The following ASPRV1 variants were observed in gnomAD, a reference collection of about 807,000 sequenced individuals.
The protein encoded by ASPRV1 is retroviral-like aspartic protease 1.
ASPRV1 carries 7 observed loss-of-function variants against 11.0 expected under a neutral mutation model. The ratio of observed to expected loss-of-function variants is 0.64; its 90% confidence interval spans 0.36 to 1.20. The LOEUF is 1.20. Among genes scored for constraint, ASPRV1 ranks in the 50% most tolerant of loss-of-function variants. ASPRV1 has a pLI of 0.02. For synonymous variants in ASPRV1, 136 were observed against 138.4 expected (o/e 0.98, Z 0.12); for missense variants, 299 against 320.0 (o/e 0.93, Z 0.50).
the ASPRV1 span, among the ~76,000 whole-genome samples, chr2:70,016,620 G>A: frequency 6.6e-6 from 1 of 152,170 alleles, no homozygotes; most frequent in African/African-American, 2.4e-5. Flanking sequence ...GCGAAGGCAG[G>A]CAGACTTGAG....
chr2:69,964,492 C>T (rs1290023772), upstream of ASPRV1: 1 of 319,556 alleles, frequency 3.1e-6, no homozygotes, highest in Non-Finnish European at 6.2e-6. Flanking sequence ...AGGTACCCAT[C>T]CCTAGAACAG....
the ASPRV1 span, chr2:70,070,179 C>CAAAAAAAAAAA: frequency 2.1e-5 from 1 of 47,136 alleles, no homozygotes; most frequent in Admixed American, 2.6e-4. Context: ...GACTCCATCT[C>CAAAAAAAAAAA]AAAAAAAAAA....
chr2:70,058,534 G>A, the ASPRV1 span, among the ~76,000 whole-genome samples: 2 of 151,616 alleles, frequency 1.3e-5, no homozygotes, highest in African/African-American at 2.4e-5. Context: ...AAACCACCAC[G>A]CCTTTACTCT....
the ASPRV1 span, among the ~76,000 whole-genome samples, chr2:70,003,919 TG>T: frequency 6.6e-6 from 1 of 152,302 alleles, no homozygotes; most frequent in South Asian, 2.1e-4. Flanking sequence ...CCTTCCACCA[TG>T]GGCTGACGCA....
the ASPRV1 span, among the ~76,000 whole-genome samples, chr2:69,948,952 TC>T: frequency 5.3e-5 from 8 of 150,402 alleles, no homozygotes; most frequent in Non-Finnish European, 8.9e-5. Flanking sequence ...GCCTGGCCGC[TC>T]CCCCCGGCAC....
chr2:69,984,909 G>A, the ASPRV1 span, among the ~76,000 whole-genome samples: 1 of 145,608 alleles, frequency 6.9e-6, no homozygotes, highest in Non-Finnish European at 1.5e-5. Context: ...CAGGCTAGAG[G>A]GCAGTGGCGC....
the ASPRV1 span, among the ~76,000 whole-genome samples, chr2:69,973,593 C>T: frequency 6.6e-6 from 1 of 152,204 alleles, no homozygotes; most frequent in Non-Finnish European, 1.5e-5. Flanking sequence ...AGCAATCCTC[C>T]CGCCTGGACC....
At chr2:69,976,864 A>C in the ASPRV1 span, among the ~76,000 whole-genome samples, 1 of 152,022 alleles carries the variant, frequency 6.6e-6, no homozygotes, top group African/African-American at 2.4e-5. Flanking sequence ...CCCCTGACAA[A>C]ACACACACAC....
the ASPRV1 span, among the ~76,000 whole-genome samples, chr2:70,041,774 C>T: frequency 6.6e-6 from 1 of 152,240 alleles, no homozygotes. Context: ...CCAGTGACGA[C>T]CATGGCCGTG....
the ASPRV1 span, among the ~76,000 whole-genome samples, chr2:69,991,744 C>T: frequency 6.6e-6 from 1 of 152,128 alleles, no homozygotes; most frequent in Admixed American, 6.6e-5. Flanking sequence ...AGGGGTTTCA[C>T]CATGTTGGCC....
Position 69,961,360 on chromosome 2 carries a change from T to G in ASPRV1, c.77A>C (p.Asn26Thr), listed in dbSNP as rs772329928. ...GTGCAGCCAGAGGTTTGGGACGACA[T>G]TGGCCCCATCAAAAGGTTCCGGGAC... ...AFVPEPFDGA[N>T]VVPNLWLHSF... The change falls in exon 1 of 1, where the codon AAT (asparagine) becomes ACT (threonine). Residue 26 changes from asparagine to threonine, a missense_variant. Physicochemically the swap from Asn to Thr is moderately conservative, Grantham distance 65. Transcript: ENST00000320256. 7.4e-6 allele frequency: 12 copies of G among 1,614,028 alleles called. No homozygotes were observed. The highest frequency in any genetic ancestry group is 1.3e-5 in the African/African-American group (1 of 74,912).
the ASPRV1 span, among the ~76,000 whole-genome samples, chr2:69,946,759 A>G: frequency 6.6e-6 from 1 of 152,170 alleles, no homozygotes; most frequent in Non-Finnish European, 1.5e-5. Flanking sequence ...GTTAAACCGA[A>G]AGGGGGAGCA....
chr2:69,980,880 AT>A, the ASPRV1 span, among the ~76,000 whole-genome samples: 1 of 152,150 alleles, frequency 6.6e-6, no homozygotes, highest in African/African-American at 2.4e-5. Flanking sequence ...GATTCAAGTG[AT>A]TTTCCAGCCT....
the ASPRV1 span, chr2:69,935,421 C>T: frequency 1.2e-6 from 2 of 1,614,006 alleles, no homozygotes; most frequent in Admixed American, 3.3e-5. Flanking sequence ...ATCAAGTCGA[C>T]ACACTACGTT....
chr2:70,027,059 G>T, the ASPRV1 span, among the ~76,000 whole-genome samples: 1 of 151,964 alleles, frequency 6.6e-6, no homozygotes, highest in Non-Finnish European at 1.5e-5. Flanking sequence ...CACAACAGCT[G>T]GGCAACATAG....
the ASPRV1 span, chr2:69,938,134 C>A: frequency 1.2e-6 from 2 of 1,614,216 alleles, no homozygotes; most frequent in East Asian, 4.5e-5. Context: ...CGGACTATCT[C>A]ACAGGTGATC....
At chr2:69,981,845 C>A in the ASPRV1 span, among the ~76,000 whole-genome samples, 1 of 152,222 alleles carries the variant, frequency 6.6e-6, no homozygotes, top group Non-Finnish European at 1.5e-5. Context: ...AGGCGTGAGC[C>A]ACCATGCTCG....
At chr2:70,045,941 G>A in the ASPRV1 span, 28 of 152,206 alleles carry the variant, frequency 1.8e-4, no homozygotes, top group African/African-American at 6.5e-4. Flanking sequence ...ATTCAAATGA[G>A]AGGCAGGACG....
At chr2:69,979,285 G>A in the ASPRV1 span, among the ~76,000 whole-genome samples, 6 of 152,080 alleles carry the variant, frequency 3.9e-5, no homozygotes, top group African/African-American at 1.2e-4. Context: ...CACCCGCCTC[G>A]GCCTCCCAAA....
Sources: allele counts gnomAD v4.1 joint callset (sites outside exome capture counted in the v4.1 genomes callset), GRCh38; gene constraint gnomAD v4.1.1; transcripts MANE v1.5; gene names NCBI Gene and HGNC (gene_info 2026-07-23, HGNC 2026-07-21).